ZNF704: variants seen among roughly 807,000 people sequenced by gnomAD.
ZNF704 encodes the protein zinc finger protein 704, also known as glucocorticoid induced gene 1.
In ZNF704, 10 loss-of-function variants were observed where a neutral mutation model predicts 44.7. That is an observed-to-expected ratio of 0.22 (90% CI 0.14 to 0.38). The LOEUF (loss-of-function observed/expected upper bound fraction) is 0.38. Ranked by LOEUF, ZNF704 falls within the 10% of genes least tolerant of loss-of-function variation. The pLI, the probability that ZNF704 is intolerant of heterozygous loss-of-function variation, is 1.00. For missense variants in ZNF704, 390 were observed against 545.5 expected (o/e 0.71, Z 2.84); for synonymous variants, 211 against 207.6 (o/e 1.02, Z -0.14).
rs1817606298 is a variant in ZNF704 at position 80,632,702 on chromosome 8, C to T, written c.*8664G>A. The T allele has an allele frequency of 6.6e-6, 1 of 152,052 alleles. No homozygotes were observed. Among genetic ancestry groups the T allele is most frequent in the East Asian group, 1.9e-4 (1 of 5,196 alleles). 9.4% of individuals were successfully genotyped at this position (152,052 alleles called of 1,614,324 possible). ...AAAACAAGGACTACAGTTTAATCAC[C>T]ATCTCTGCCTCCTTTCAAAATCTGT... On this transcript the variant is annotated 3_prime_UTR_variant, in exon 9 of 9. Coordinates refer to ENST00000327835, the MANE Select transcript of ZNF704 (RefSeq NM_001033723.3).
chr8:80,748,142 A>G (rs1242548661), intron 2 of ZNF704, among the ~76,000 whole-genome samples: 2 of 152,232 alleles, frequency 1.3e-5, no homozygotes, highest in Non-Finnish European at 2.9e-5. Context: ...TTATAGTCAG[A>G]TGTCAGAGAT....
intron 2 of ZNF704, among the ~76,000 whole-genome samples, chr8:80,748,903 C>T (rs1289030888): frequency 6.6e-6 from 1 of 152,186 alleles, no homozygotes; most frequent in Non-Finnish European, 1.5e-5. Context: ...GCAGAAATTC[C>T]ATTCAAACCC....
Position 80,777,932 on chromosome 8 carries a change from C to T in ZNF704, c.221+43442G>A, listed in dbSNP as rs115403541. Among the ~76,000 whole-genome samples, 1,195 of 151,966 alleles carry T rather than the reference C, an allele frequency of 7.9e-3. 16 individuals carry two copies. The highest frequency in any genetic ancestry group is 0.025 in the African/African-American group (1,035 of 41,422). On this transcript the variant is annotated intron_variant, in intron 2 of 8. Coordinates refer to ENST00000327835, the MANE Select transcript of ZNF704 (RefSeq NM_001033723.3). ...ACCCACAAATATCATAACACCTCAC[C>T]CCTAAATATTTCAATATATCGCTCT...
chr8:80,636,649 A>C lies in ZNF704; in HGVS notation c.*4717T>G, dbSNP rs1009032979. On this transcript the variant is annotated 3_prime_UTR_variant, in exon 9 of 9. Transcript: ENST00000327835. Reference sequence around the variant, plus strand: ...GCTGGTAGGGCTACTTTCTTAGAGAAATGAAATTTCCAGTTGACCCGTGTG... The same window carrying C: ...GCTGGTAGGGCTACTTTCTTAGAGACATGAAATTTCCAGTTGACCCGTGTG... The C allele has an allele frequency of 2.3e-4, 35 of 152,238 alleles. No individual in the cohort carries two copies. Among genetic ancestry groups the C allele is most frequent in the African/African-American group, 7.7e-4 (32 of 41,468 alleles). 9.4% of individuals were successfully genotyped at this position (152,238 alleles called of 1,614,324 possible).
At chr8:80,839,612 A>T (rs1415713447) in intron 1 of ZNF704, among the ~76,000 whole-genome samples, 1 of 152,248 alleles carries the variant, frequency 6.6e-6, no homozygotes, top group Non-Finnish European at 1.5e-5. Flanking sequence ...TTACTGGTAT[A>T]TAAGAGAGTA....
intron 1 of ZNF704, among the ~76,000 whole-genome samples, chr8:80,833,579 A>T (rs930925244): frequency 3.3e-5 from 5 of 152,222 alleles, no homozygotes; most frequent in Non-Finnish European, 5.9e-5. Context: ...ATTGCTTCCA[A>T]TTACTAGCCC....
chr8:80,684,564 C>T (rs1333636550), intron 4 of ZNF704, among the ~76,000 whole-genome samples: 3 of 152,178 alleles, frequency 2.0e-5, no homozygotes, highest in Non-Finnish European at 4.4e-5. Context: ...ATAAGATGAA[C>T]TCAGAAAGTT....
chr8:80,652,859 C>T (rs1396435158), intron 7 of ZNF704, among the ~76,000 whole-genome samples: 1 of 152,004 alleles, frequency 6.6e-6, no homozygotes, highest in African/African-American at 2.4e-5. Flanking sequence ...GGCAGAGACA[C>T]AACAAAAAAA....
At chr8:80,762,587 C>A (rs1392222090) in intron 2 of ZNF704, among the ~76,000 whole-genome samples, 1 of 152,128 alleles carries the variant, frequency 6.6e-6, no homozygotes, top group Non-Finnish European at 1.5e-5. Flanking sequence ...CAGGTCCCTA[C>A]CTCAACATGT....
At chr8:80,693,708 T>G (rs1197900480) in intron 2 of ZNF704, among the ~76,000 whole-genome samples, 2 of 151,938 alleles carry the variant, frequency 1.3e-5, no homozygotes, top group Non-Finnish European at 2.9e-5. Flanking sequence ...AGCAGGAATG[T>G]GCGGGAATGT....
intron 1 of ZNF704, among the ~76,000 whole-genome samples, chr8:80,862,221 A>T (rs992988943): frequency 3.3e-5 from 5 of 151,998 alleles, no homozygotes; most frequent in African/African-American, 1.2e-4. Context: ...TAACTTGTAA[A>T]TGAATTTAAC....
chr8:80,759,972 G>A (rs535595231), intron 2 of ZNF704, among the ~76,000 whole-genome samples: 17 of 152,124 alleles, frequency 1.1e-4, no homozygotes, highest in African/African-American at 4.1e-4. Flanking sequence ...TACTCAGGCT[G>A]TCTTGAATGC....
At chr8:80,819,747 G>C (rs1025333410) in intron 2 of ZNF704, among the ~76,000 whole-genome samples, 7 of 151,966 alleles carry the variant, frequency 4.6e-5, no homozygotes, top group African/African-American at 1.4e-4. Flanking sequence ...CATTAGAAAA[G>C]CAAATAATTC....
Position 80,843,973 on chromosome 8 carries a change from A to ATATATATGTG in ZNF704, c.-21-22359_-21-22358insCACATATATA, listed in dbSNP as rs1554586866. On this transcript the variant is annotated intron_variant, in intron 1 of 8. Coordinates refer to ENST00000327835, the MANE Select transcript of ZNF704 (RefSeq NM_001033723.3). ...TATATATATGTGTATATATATGTGT[A>ATATATATGTG]TATATATATATATATATACACATAC... 3.0e-4 allele frequency among the ~76,000 whole-genome samples: 26 copies of ATATATATGTG among 87,206 alleles called. 1 individual carries two copies. The highest frequency in any genetic ancestry group is 7.2e-4 in the Admixed American group (7 of 9,782). The allele number at this position is 87,206 out of a possible 152,430, so 57.2% of individuals were successfully genotyped here. A position where few individuals can be genotyped will look rare whatever the true frequency, so the allele number is the denominator to read the frequency against.
At chr8:80,827,081 C>T (rs1464013836) in intron 1 of ZNF704, among the ~76,000 whole-genome samples, 2 of 152,088 alleles carry the variant, frequency 1.3e-5, no homozygotes, top group African/African-American at 4.8e-5. Context: ...CCAGGGCAAT[C>T]AGGCAGAAGA....
At chr8:80,740,290 G>C (rs1806734993) in intron 2 of ZNF704, among the ~76,000 whole-genome samples, 1 of 152,110 alleles carries the variant, frequency 6.6e-6, no homozygotes, top group Non-Finnish European at 1.5e-5. Context: ...TCCATTTGTT[G>C]TCCCCTGCTT....
intron 2 of ZNF704, among the ~76,000 whole-genome samples, chr8:80,698,042 A>G (rs1818753384): frequency 6.6e-6 from 1 of 152,226 alleles, no homozygotes; most frequent in Non-Finnish European, 1.5e-5. Context: ...CTGTCCACAA[A>G]TAGAAAAGCC....
chr8:80,862,339 C>T (rs2130044046), intron 1 of ZNF704, among the ~76,000 whole-genome samples: 2 of 151,708 alleles, frequency 1.3e-5, no homozygotes, highest in South Asian at 4.2e-4. Context: ...ATAATTTTTC[C>T]AAACAACCTT....
At chr8:80,647,871 G>A (rs542297595) in intron 7 of ZNF704, among the ~76,000 whole-genome samples, 10 of 152,200 alleles carry the variant, frequency 6.6e-5, no homozygotes, top group Admixed American at 1.3e-4. Context: ...GGGTTTGAGG[G>A]ACATGGATTG....
Sources: allele counts gnomAD v4.1 joint callset (sites outside exome capture counted in the v4.1 genomes callset), GRCh38; gene constraint gnomAD v4.1.1; transcripts MANE v1.5; gene names NCBI Gene and HGNC (gene_info 2026-07-23, HGNC 2026-07-21).